SPAST: variants seen among roughly 807,000 people sequenced by gnomAD.
The protein encoded by SPAST is spastic paraplegia 4 (autosomal dominant; spastin).
A neutral mutation model predicts 76.6 loss-of-function variants in SPAST; 30 were observed. The ratio of observed to expected loss-of-function variants is 0.39; its 90% confidence interval spans 0.29 to 0.53. The LOEUF (loss-of-function observed/expected upper bound fraction) is 0.53, where lower values mean the gene tolerates loss of function less well. Ranked by LOEUF, SPAST falls within the 20% of genes least tolerant of loss-of-function variation. The pLI is 0.68. For missense variants in SPAST, 717 were observed against 770.5 expected, an observed-to-expected ratio of 0.93 and a Z score of 0.82; for synonymous variants, 305 against 281.0, an observed-to-expected ratio of 1.09 and a Z score of -0.86.
Position 32,090,486 on chromosome 2 carries a change from C to G in SPAST, c.586+881C>G, listed in dbSNP as rs1183052441. ...ATGTCAAAATAAAATCACAGAAATA[C>G]CATTATCACACCTAAAAAATAACTC... On this transcript the variant is annotated intron_variant, in intron 3 of 16. Transcript: ENST00000315285. 3.3e-5 allele frequency among the ~76,000 whole-genome samples: 5 copies of G among 152,184 alleles called. No homozygotes were observed. In the South Asian group the frequency reaches 1.0e-3, roughly 32 times the overall value.
chr2:32,145,108 TG>T, intron 15 of SPAST, 101 bp downstream of exon 15: 1 of 833,506 alleles, frequency 1.2e-6, no homozygotes, highest in South Asian at 1.5e-5. Context: ...TTTTTTCTTT[TG>T]GAGACAGGGT....
At chr2:32,085,389 A>G (rs1677433815) in intron 1 of SPAST, among the ~76,000 whole-genome samples, 1 of 151,608 alleles carries the variant, frequency 6.6e-6, no homozygotes, top group African/African-American at 2.4e-5. Context: ...TTAATTTTTA[A>G]ATTTTTTGGT....
intron 5 of SPAST, 111 bp from the exon 6 acceptor site, chr2:32,115,591 C>A: frequency 1.3e-6 from 1 of 773,874 alleles, no homozygotes; most frequent in Non-Finnish European, 2.1e-6. Context: ...GATTTTTATA[C>A]CCTTTTTCCT....
intron 4 of SPAST, among the ~76,000 whole-genome samples, chr2:32,099,482 C>G (rs1296032655): frequency 2.0e-5 from 3 of 152,040 alleles, no homozygotes; most frequent in African/African-American, 7.2e-5. Flanking sequence ...AGGGGACTCT[C>G]CATTTCTTAG....
intron 3 of SPAST, among the ~76,000 whole-genome samples, chr2:32,096,986 T>C (rs533452505): frequency 2.0e-5 from 3 of 152,310 alleles, no homozygotes; most frequent in African/African-American, 7.2e-5. Flanking sequence ...CTATTTGACC[T>C]GTCCCAAAGG....
intron 3 of SPAST, among the ~76,000 whole-genome samples, chr2:32,093,791 A>T (rs1414905848): frequency 2.0e-5 from 3 of 151,856 alleles, no homozygotes; most frequent in Non-Finnish European, 4.4e-5. Context: ...GACTTAATAA[A>T]TGAATGTTAA....
chr2:32,076,987 T>G (rs1025169829), intron 1 of SPAST, among the ~76,000 whole-genome samples: 5 of 152,104 alleles, frequency 3.3e-5, no homozygotes, highest in African/African-American at 1.2e-4. Flanking sequence ...ACGATTCTCC[T>G]GCCTCAGCCT....
At chr2:32,079,545 C>T (rs1257772154) in intron 1 of SPAST, among the ~76,000 whole-genome samples, 2 of 151,280 alleles carry the variant, frequency 1.3e-5, no homozygotes, top group South Asian at 2.1e-4. Context: ...AACTCATGTA[C>T]ACCCGCCACC....
At chr2:32,110,483 A>G (rs1273325179) in intron 4 of SPAST, among the ~76,000 whole-genome samples, 1 of 136,280 alleles carries the variant, frequency 7.3e-6, no homozygotes, top group Non-Finnish European at 1.6e-5. Flanking sequence ...CTATATGTAT[A>G]TGTAACTATA....
At chr2:32,093,145 C>T (rs944430617) in intron 3 of SPAST, among the ~76,000 whole-genome samples, 3 of 151,742 alleles carry the variant, frequency 2.0e-5, no homozygotes, top group Non-Finnish European at 4.4e-5. Context: ...CCCGTCTCTA[C>T]TAAAAATACA....
intron 12 of SPAST, among the ~76,000 whole-genome samples, chr2:32,140,499 C>T (rs1679680460): frequency 6.6e-6 from 1 of 151,998 alleles, no homozygotes; most frequent in East Asian, 1.9e-4. Flanking sequence ...TCACACACAC[C>T]TGTAATCCCA....
At chr2:32,087,694 C>CTTTTTTTTTTTTTTTTT (rs770566493) in intron 2 of SPAST, 116 bp downstream of exon 2, 26 of 186,234 alleles carry the variant, frequency 1.4e-4, no homozygotes, top group Non-Finnish European at 1.8e-4. Context: ...CTTTTCTTTT[C>CTTTTTTTTTTTTTTTTT]TTTTTTTTTT....
At chr2:32,104,978 C>G (rs1266386108) in intron 4 of SPAST, among the ~76,000 whole-genome samples, 3 of 152,270 alleles carry the variant, frequency 2.0e-5, no homozygotes, top group African/African-American at 7.2e-5. Flanking sequence ...CTCTGTATTT[C>G]CTGAATTTGA....
intron 7 of SPAST, chr2:32,126,453 G>A (rs1679193955): frequency 6.7e-6 from 1 of 148,254 alleles, no homozygotes. Context: ...TTACCACCGA[G>A]GAGTTGGTTT....
chr2:32,145,041 A>G, intron 15 of SPAST, 34 bp downstream of exon 15: 3 of 1,472,844 alleles, frequency 2.0e-6, no homozygotes, highest in Non-Finnish European at 2.8e-6. Flanking sequence ...ATTTAGAACT[A>G]TTTATTATAC....
chr2:32,079,604 A>T (rs1160305985), intron 1 of SPAST, among the ~76,000 whole-genome samples: 1 of 95,016 alleles, frequency 1.1e-5, no homozygotes, highest in South Asian at 4.2e-4. Context: ...TCTGTCACCC[A>T]GGCTAGAGTG....
At position 32,154,796 on chromosome 2, in the gene SPAST, A is replaced by G; in HGVS notation, c.*300A>G. The G allele has an allele frequency of 3.0e-6, 1 of 330,398 alleles. No homozygotes were observed. The allele number at this position is 330,398 out of a possible 1,614,324, so 20.5% of individuals were successfully genotyped here. On this transcript the variant is annotated 3_prime_UTR_variant, in exon 17 of 17. Transcript: ENST00000315285. ...CTTTACCAATATAATCATAATGTAA[A>G]TAATAATTTGTATATTGTGTTGCAG...
chr2:32,146,302 T>C (rs1305555588), intron 15 of SPAST, among the ~76,000 whole-genome samples: 1 of 152,194 alleles, frequency 6.6e-6, no homozygotes, highest in Non-Finnish European at 1.5e-5. Flanking sequence ...CTCACACCTA[T>C]AATCCCAGCA....
chr2:32,114,317 G>A (rs2148732546), intron 4 of SPAST, among the ~76,000 whole-genome samples: 1 of 152,192 alleles, frequency 6.6e-6, no homozygotes, highest in East Asian at 1.9e-4. Context: ...GTTTGAGGTG[G>A]GAGGATGGAT....
Sources: allele counts gnomAD v4.1 joint callset (sites outside exome capture counted in the v4.1 genomes callset), GRCh38; gene constraint gnomAD v4.1.1; transcripts MANE v1.5; gene names NCBI Gene and HGNC (gene_info 2026-07-23, HGNC 2026-07-21).